The following FRMD4A variants were observed in gnomAD, a reference collection of about 807,000 sequenced individuals.
The protein encoded by FRMD4A is FERM domain containing 4A, also known as FERM domain-containing protein 4A.
In FRMD4A, 29 loss-of-function variants were observed where a neutral mutation model predicts 129.1. The ratio of observed to expected loss-of-function variants is 0.22; its 90% confidence interval spans 0.17 to 0.31. FRMD4A has a LOEUF of 0.31. Ranked by LOEUF, FRMD4A falls within the 10% of genes least tolerant of loss-of-function variation. The probability of loss-of-function intolerance (pLI) is 1.00; values close to 1 mark genes in which losing one functional copy is unlikely to be tolerated. For missense variants in FRMD4A, 1,272 were observed against 1,375.8 expected (o/e 0.92, Z 1.19); for synonymous variants, 634 against 571.6 (o/e 1.11, Z -1.56).
At chr10:14,064,347 C>T (rs1475187302) in intron 2 of FRMD4A, among the ~76,000 whole-genome samples, 1 of 152,226 alleles carries the variant, frequency 6.6e-6, no homozygotes, top group Non-Finnish European at 1.5e-5. Context: ...GTTAAGGCCA[C>T]TTCCAGTAGT....
chr10:13,657,249 G>C lies in FRMD4A; in HGVS notation c.2340C>G (p.Arg780=), dbSNP rs1564529875. The part of the protein sequence containing the change: ...TLAEDSPSKA[R]QRQRQRQRAA... ...CCCGCTGCCGCTGCCTCTGCCTCTG[G>C]CGCGCCTTGGACGGCGAGTCCTCGG... is the stretch of plus-strand genomic sequence containing the variant. The change falls in exon 22 of 25, where the codon CGC becomes CGG. Residue 780 remains arginine, a synonymous_variant. Transcript: ENST00000357447. The C allele has an allele frequency of 1.9e-6, 3 of 1,591,956 alleles. No homozygotes were observed. Among genetic ancestry groups the C allele is most frequent in the Non-Finnish European group, 2.6e-6 (3 of 1,173,234 alleles).
At chr10:14,135,262 G>GA (rs2131833888) in intron 2 of FRMD4A, among the ~76,000 whole-genome samples, 1 of 152,268 alleles carries the variant, frequency 6.6e-6, no homozygotes, top group South Asian at 2.1e-4. Context: ...AAACAAGATT[G>GA]AAAACCTAAC....
intron 2 of FRMD4A, among the ~76,000 whole-genome samples, chr10:13,892,237 T>C (rs2131167272): frequency 6.6e-6 from 1 of 152,170 alleles, no homozygotes; most frequent in African/African-American, 2.4e-5. Flanking sequence ...CTCGAGGCCC[T>C]CTCCTACCCT....
chr10:13,939,184 T>C (rs1472934276), intron 2 of FRMD4A, among the ~76,000 whole-genome samples: 1 of 152,240 alleles, frequency 6.6e-6, no homozygotes, highest in Non-Finnish European at 1.5e-5. Context: ...TTCACATTAT[T>C]CTAAATTGCC....
chr10:14,008,031 A>G, intron 2 of FRMD4A: 1 of 1,297,610 alleles, frequency 7.7e-7, no homozygotes, highest in Non-Finnish European at 1.0e-6. Flanking sequence ...GGAGCAACTG[A>G]GAAGCAAACA....
intron 2 of FRMD4A, among the ~76,000 whole-genome samples, chr10:13,978,677 C>T (rs2095550406): frequency 6.6e-6 from 1 of 152,178 alleles, no homozygotes; most frequent in African/African-American, 2.4e-5. Flanking sequence ...AACCAAGAGT[C>T]ATCATGGCAT....
chr10:14,068,374 T>C (rs1246275307), intron 2 of FRMD4A, among the ~76,000 whole-genome samples: 1 of 152,226 alleles, frequency 6.6e-6, no homozygotes, highest in Non-Finnish European at 1.5e-5. Context: ...AGATCCCCAA[T>C]ATATATTTGC....
chr10:13,778,598 CGT>C (rs150073571), intron 6 of FRMD4A, among the ~76,000 whole-genome samples: 2,127 of 147,968 alleles, frequency 0.014, 55 homozygotes, highest in African/African-American at 0.049. Context: ...ACCATTCCAA[CGT>C]GTGTGTGTGT....
intron 2 of FRMD4A, among the ~76,000 whole-genome samples, chr10:14,133,728 T>A (rs541645615): frequency 0.057 from 8,621 of 152,276 alleles, 285 homozygotes; most frequent in Admixed American, 0.091. Flanking sequence ...TTCACTACCC[T>A]TTTTGTCTAG....
At chr10:13,833,319 C>T (rs1216511873) in intron 3 of FRMD4A, among the ~76,000 whole-genome samples, 2 of 152,136 alleles carry the variant, frequency 1.3e-5, no homozygotes, top group South Asian at 2.1e-4. Context: ...GGGGAACTCC[C>T]ATTTATAAAA....
In FRMD4A at chr10:14,032,204, C is replaced by T. The variant is rs55918253; in HGVS notation, c.46-173292G>A. Among the ~76,000 whole-genome samples the T allele has an allele frequency of 1.6e-3, 237 of 152,286 alleles. 1 individual carries two copies. Among genetic ancestry groups the T allele is most frequent in the African/African-American group, 5.5e-3 (227 of 41,554 alleles). ...ATTATTGAAAAAAATTAGCACAATT[C>T]TCTGTTATGTAAACAAAAGATAGTA... On this transcript the variant is annotated intron_variant, in intron 2 of 24. Coordinates refer to ENST00000357447, the MANE Select transcript of FRMD4A (RefSeq NM_018027.5).
chr10:14,314,385 T>A (rs1846660621), intron 2 of FRMD4A, among the ~76,000 whole-genome samples: 2 of 152,116 alleles, frequency 1.3e-5, no homozygotes, highest in Admixed American at 1.3e-4. Flanking sequence ...TCTTTTAAGA[T>A]CTCCAGCCTC....
intron 2 of FRMD4A, among the ~76,000 whole-genome samples, chr10:14,038,912 G>A (rs1037718441): frequency 1.3e-5 from 2 of 152,124 alleles, no homozygotes; most frequent in Non-Finnish European, 2.9e-5. Context: ...GCTGTGTTTG[G>A]ACAAAACGAT....
At chr10:14,236,259 A>G (rs1843810732) in intron 2 of FRMD4A, among the ~76,000 whole-genome samples, 1 of 152,204 alleles carries the variant, frequency 6.6e-6, no homozygotes, top group South Asian at 2.1e-4. Context: ...AGACCATCCC[A>G]TCAGTAGAAT....
intron 2 of FRMD4A, among the ~76,000 whole-genome samples, chr10:13,867,115 T>G (rs1260713821): frequency 6.6e-6 from 1 of 152,212 alleles, no homozygotes; most frequent in Non-Finnish European, 1.5e-5. Flanking sequence ...AATTTTAACT[T>G]TAGTCCTCAT....
chr10:13,726,904 T>C (rs1032756762), intron 12 of FRMD4A, among the ~76,000 whole-genome samples: 1 of 151,494 alleles, frequency 6.6e-6, no homozygotes, highest in Non-Finnish European at 1.5e-5. Flanking sequence ...GTTAGTTTGC[T>C]TTTTTTTCTG....
intron 2 of FRMD4A, among the ~76,000 whole-genome samples, chr10:14,137,092 C>A (rs539961947): frequency 6.6e-6 from 1 of 152,384 alleles, no homozygotes; most frequent in South Asian, 2.1e-4. Context: ...AAGAGTCCTG[C>A]TTTCCTGATC....
At chr10:14,131,260 C>T (rs1839233595) in intron 2 of FRMD4A, among the ~76,000 whole-genome samples, 1 of 152,168 alleles carries the variant, frequency 6.6e-6, no homozygotes. Flanking sequence ...TGGGCAAAAC[C>T]ACCAGCAAGA....
At chr10:14,283,517 G>A (rs1332427545) in intron 2 of FRMD4A, among the ~76,000 whole-genome samples, 2 of 152,136 alleles carry the variant, frequency 1.3e-5, no homozygotes, top group Non-Finnish European at 2.9e-5. Flanking sequence ...ATAAAACCCA[G>A]ATAAAAGAGA....
Sources: allele counts gnomAD v4.1 joint callset (sites outside exome capture counted in the v4.1 genomes callset), GRCh38; gene constraint gnomAD v4.1.1; transcripts MANE v1.5; gene names NCBI Gene and HGNC (gene_info 2026-07-23, HGNC 2026-07-21).